The following ROS1 variants were observed in gnomAD, a reference collection of about 807,000 sequenced individuals.
ROS1 encodes proto-oncogene tyrosine-protein kinase ROS.
Under a neutral mutation model 273.5 loss-of-function variants are expected in ROS1, and 263 were observed. That is an observed-to-expected ratio of 0.96 (90% CI 0.87 to 1.06). The LOEUF (loss-of-function observed/expected upper bound fraction) is 1.06, where lower values mean the gene tolerates loss of function less well. ROS1 is among the 50% of genes least tolerant of loss of function. The probability of loss-of-function intolerance (pLI) is 0.00; values close to 1 mark genes in which losing one functional copy is unlikely to be tolerated. For missense variants in ROS1, 2,833 were observed against 2,751.1 expected, an observed-to-expected ratio of 1.03 and a Z score of -0.67; for synonymous variants, 1,008 against 954.1, an observed-to-expected ratio of 1.06 and a Z score of -1.04.
chr6:117,302,787 T>C (rs970001580), intron 42 of ROS1, among the ~76,000 whole-genome samples: 1 of 152,208 alleles, frequency 6.6e-6, no homozygotes, highest in African/African-American at 2.4e-5. Flanking sequence ...GGGTCTCCCA[T>C]GTCAAAGTGA....
At position 117,385,796 on chromosome 6, in the gene ROS1, G is replaced by T. The variant is rs199693780; in HGVS notation, c.2176C>A (p.Leu726Met). 4.3e-5 allele frequency: 70 copies of T among 1,614,150 alleles called. No individual in the cohort carries two copies. In the African/African-American group the frequency reaches 8.4e-4, roughly 19 times the overall value. The change falls in exon 16 of 44, where the codon CTG (leucine) becomes ATG (methionine). Residue 726 changes from leucine (L) to methionine (M), a missense_variant. Physicochemically the swap from Leu to Met is conservative, Grantham distance 15. Coordinates refer to ENST00000368507, the MANE Select transcript of ROS1 (RefSeq NM_001378902.1). Reference sequence around the variant, plus strand: ...TTCTCTGAGATATCCGTCCCATTCAGCAGCCACACAAAAACGTCGCCTTTC... The same window carrying T: ...TTCTCTGAGATATCCGTCCCATTCATCAGCCACACAAAAACGTCGCCTTTC... ...DTKGDVFVWL[L>M]NGTDISENYH...
chr6:117,387,059 C>T (rs557748402), intron 14 of ROS1, 60 bp from the exon 15 acceptor site: 1 of 820,610 alleles, frequency 1.2e-6, no homozygotes, highest in South Asian at 1.6e-5. Context: ...TTAAAGGTAT[C>T]TTATATACTT....
intron 6 of ROS1, among the ~76,000 whole-genome samples, chr6:117,403,648 A>T (rs1774138124): frequency 6.6e-6 from 1 of 151,916 alleles, no homozygotes; most frequent in Non-Finnish European, 1.5e-5. Context: ...CCCCCATGAG[A>T]ATCTTTCTTC....
At chr6:117,304,043 A>C (rs980305409) in intron 42 of ROS1, among the ~76,000 whole-genome samples, 3 of 152,204 alleles carry the variant, frequency 2.0e-5, no homozygotes, top group African/African-American at 7.2e-5. Context: ...GAAAACCAAT[A>C]TTGGACTGTT....
intron 15 of ROS1, among the ~76,000 whole-genome samples, chr6:117,386,334 C>T (rs1772576285): frequency 6.6e-6 from 1 of 152,130 alleles, no homozygotes; most frequent in African/African-American, 2.4e-5. Flanking sequence ...CTTTTAATGG[C>T]CAAATAAATC....
chr6:117,307,163 A>G (rs1169826676), intron 42 of ROS1, among the ~76,000 whole-genome samples: 1 of 152,020 alleles, frequency 6.6e-6, no homozygotes, highest in East Asian at 1.9e-4. Context: ...CAACTTGTCT[A>G]CCTTTTTCTG....
chr6:117,343,108 A>G (rs1778083055), intron 28 of ROS1, among the ~76,000 whole-genome samples: 1 of 151,518 alleles, frequency 6.6e-6, no homozygotes, highest in South Asian at 2.1e-4. Context: ...TAAAGCTTCG[A>G]TGTGCCGCCA....
At position 117,403,279 on chromosome 6, in the gene ROS1, T is replaced by C. The variant is rs1774106718; in HGVS notation, c.466-2A>G. ...CACATAGGACGGTCTGGACACAGTC[T>C]AGATCAAGGAGTGATCAATCATCAG... is the stretch of plus-strand genomic sequence containing the variant. On this transcript the variant is annotated splice_acceptor_variant, in intron 6 of 43. Transcript: ENST00000368507. LOFTEE classifies it high-confidence loss of function. 6.2e-7 allele frequency: 1 copy of C among 1,611,464 alleles called. No individual in the cohort carries two copies. The highest frequency in any genetic ancestry group is 1.3e-5 in the African/African-American group (1 of 74,788).
intron 1 of ROS1, among the ~76,000 whole-genome samples, chr6:117,421,977 T>A (rs1775793148): frequency 1.3e-5 from 2 of 152,174 alleles, no homozygotes; most frequent in South Asian, 4.1e-4. Context: ...AAGTAAACAC[T>A]TGCTTTGTTT....
intron 2 of ROS1, among the ~76,000 whole-genome samples, chr6:117,416,684 G>A (rs932518512): frequency 2.6e-5 from 4 of 152,078 alleles, no homozygotes; most frequent in African/African-American, 9.7e-5. Context: ...GGTCCCTAAG[G>A]TGTCCTCACA....
chr6:117,357,916 C>T lies in ROS1; in HGVS notation c.3727G>A (p.Gly1243Arg), dbSNP rs1456027028. 1.2e-6 allele frequency: 2 copies of T among 1,613,304 alleles called. No individual in the cohort carries two copies. The highest frequency in any genetic ancestry group is 1.7e-6 in the Non-Finnish European group (2 of 1,179,502). Reference sequence around the variant, plus strand: ...AGATCAACATCAAATACTTGCATTCCATTTTGTGATTCTTTCAGTGCAAAG... The same window carrying T: ...AGATCAACATCAAATACTTGCATTCTATTTTGTGATTCTTTCAGTGCAAAG... ...LYFALKESQN[G>R]MQVFDVDLEH... The change falls in exon 25 of 44, where the codon GGA (glycine) becomes AGA (arginine). Residue 1243 changes from glycine (G) to arginine (R), a missense_variant. By Grantham distance (125) the Gly-to-Arg change is moderately radical. Transcript: ENST00000368507.
chr6:117,324,278 G>T, intron 35 of ROS1, 54 bp downstream of exon 35: 1 of 815,970 alleles, frequency 1.2e-6, no homozygotes, highest in Non-Finnish European at 2.1e-6. Flanking sequence ...AAATCAATCA[G>T]GTATGATTAA....
At chr6:117,389,329 C>T (rs1426585643) in intron 13 of ROS1, 21 bp downstream of exon 13, 6 of 1,596,056 alleles carry the variant, frequency 3.8e-6, no homozygotes, top group Non-Finnish European at 4.3e-6. Flanking sequence ...CCAGTAACCA[C>T]ACTGGGGACA....
chr6:117,312,747 T>C (rs1458687181), intron 39 of ROS1, among the ~76,000 whole-genome samples: 1 of 152,116 alleles, frequency 6.6e-6, no homozygotes, highest in Admixed American at 6.6e-5. Flanking sequence ...TCACTGCATG[T>C]TGGGTTTCCT....
intron 18 of ROS1, among the ~76,000 whole-genome samples, chr6:117,376,010 T>G (rs982590077): frequency 1.3e-5 from 2 of 151,184 alleles, no homozygotes; most frequent in African/African-American, 4.9e-5. Context: ...GAACAGAAAA[T>G]TATGCCTAAA....
At chr6:117,346,234 A>G (rs1199871086) in intron 27 of ROS1, among the ~76,000 whole-genome samples, 2 of 152,172 alleles carry the variant, frequency 1.3e-5, no homozygotes, top group African/African-American at 4.8e-5. Flanking sequence ...TCAGGACAGA[A>G]AGACAGGTTT....
At position 117,357,964 on chromosome 6, in the gene ROS1, C is replaced by A. The variant is rs550870633; in HGVS notation, c.3679G>T (p.Asp1227Tyr). 4.3e-6 allele frequency: 7 copies of A among 1,613,562 alleles called. 1 individual carries two copies. Among genetic ancestry groups the A allele is most frequent in the African/African-American group, 4.0e-5 (3 of 74,998 alleles). Residue 1227 changes from aspartate to tyrosine, a missense_variant, in exon 25 of 44, where the codon GAC (aspartate) becomes TAC (tyrosine). By Grantham distance (160) the Asp-to-Tyr change is radical (BLOSUM62 -3). Coordinates refer to ENST00000368507, the MANE Select transcript of ROS1 (RefSeq NM_001378902.1). ...AAGTAGAGGTGCCTTGAAATCCAGT[C>A]AATTGTAATAACTGTGATATCAAAA... Reference protein sequence around the residue: ...LVFDITVITIDWISRHLYFAL... With the variant: ...LVFDITVITIYWISRHLYFAL...
chr6:117,395,556 A>G lies in ROS1; in HGVS notation c.883+632T>C, dbSNP rs527606391. 1.4e-4 allele frequency among the ~76,000 whole-genome samples: 22 copies of G among 152,262 alleles called. No homozygotes were observed. The South Asian group carries it at 4.6e-3, about 32-fold the overall frequency. ...TGTGAATCTTTGGATGTTCTCAAAA[A>G]TCTTTTATTAGTTTCCCCTCAAATT... On this transcript the variant is annotated intron_variant, in intron 9 of 43. Coordinates refer to ENST00000368507, the MANE Select transcript of ROS1 (RefSeq NM_001378902.1).
intron 16 of ROS1, among the ~76,000 whole-genome samples, chr6:117,384,260 TA>T (rs894087659): frequency 2.6e-5 from 4 of 152,192 alleles, no homozygotes; most frequent in Non-Finnish European, 5.9e-5. Context: ...GCTTTGTCTC[TA>T]AATACATTGC....
Sources: allele counts gnomAD v4.1 joint callset (sites outside exome capture counted in the v4.1 genomes callset), GRCh38; gene constraint gnomAD v4.1.1; transcripts MANE v1.5; gene names NCBI Gene and HGNC (gene_info 2026-07-23, HGNC 2026-07-21).